The following HERC4 variants were observed in gnomAD, a reference collection of about 807,000 sequenced individuals.
The protein encoded by HERC4 is HECT and RLD domain containing E3 ubiquitin protein ligase 4.
Under a neutral mutation model 124.3 loss-of-function variants are expected in HERC4, and 28 were observed. The ratio of observed to expected loss-of-function variants is 0.23; its 90% CI spans 0.17 to 0.31. The LOEUF is 0.31. Ranked by LOEUF, HERC4 falls within the 10% of genes least tolerant of loss-of-function variation. The pLI is 1.00. For synonymous variants in HERC4, 407 were observed against 421.5 expected (o/e 0.97, Z 0.42); for missense variants, 713 against 1,229.3 (o/e 0.58, Z 6.28).
intron 3 of HERC4, among the ~76,000 whole-genome samples, chr10:68,052,741 T>A (rs922162661): frequency 6.6e-6 from 1 of 152,210 alleles, no homozygotes; most frequent in Non-Finnish European, 1.5e-5. Flanking sequence ...AGAGTTCACT[T>A]ATATGATCAA....
intron 3 of HERC4, 139 bp from the exon 4 acceptor site, chr10:68,044,702 A>G (rs1449530349): frequency 2.8e-6 from 2 of 722,344 alleles, no homozygotes; most frequent in Non-Finnish European, 4.6e-6. Flanking sequence ...ATGCTTAAAC[A>G]CACACTAGAT....
At chr10:67,994,044 G>A (rs1397754505) in intron 9 of HERC4, 1 of 152,098 alleles carries the variant, frequency 6.6e-6, no homozygotes, top group African/African-American at 2.4e-5. Context: ...ATACAAATAT[G>A]CAATTGTTAT....
intron 8 of HERC4, among the ~76,000 whole-genome samples, chr10:68,020,016 C>T (rs1258276659): frequency 6.6e-6 from 1 of 152,106 alleles, no homozygotes; most frequent in African/African-American, 2.4e-5. Context: ...TTTGGGGAGC[C>T]AGGCATTTAA....
Position 67,955,141 on chromosome 10 carries a change from A to G in HERC4, c.2026-11T>C. On this transcript the variant is annotated splice_polypyrimidine_tract_variant and intron_variant, in intron 17 of 24. Transcript: ENST00000373700. ...CTGATCAATAGCCATCTGGAAAACA[A>G]AAGATTAACATTTTAACAGCAATGC... 6.4e-7 allele frequency: 1 copy of G among 1,570,614 alleles called. No homozygotes were observed. The highest frequency in any genetic ancestry group is 8.6e-7 in the Non-Finnish European group (1 of 1,165,126).
At chr10:68,046,555 G>T (rs1259924841) in intron 3 of HERC4, among the ~76,000 whole-genome samples, 1 of 152,284 alleles carries the variant, frequency 6.6e-6, no homozygotes, top group East Asian at 1.9e-4. Context: ...TAAAATAAGC[G>T]TCCTAGCCCT....
At chr10:68,013,594 G>A (rs1014973547) in intron 9 of HERC4, among the ~76,000 whole-genome samples, 3 of 152,196 alleles carry the variant, frequency 2.0e-5, no homozygotes, top group Non-Finnish European at 4.4e-5. Flanking sequence ...AGGAGGGAAT[G>A]AAGAGTTGCT....
intron 16 of HERC4, chr10:67,959,019 C>A: frequency 2.1e-6 from 2 of 953,710 alleles, no homozygotes; most frequent in Non-Finnish European, 3.2e-6. Context: ...ATTTTTTAAC[C>A]ACACCAAAAA....
intron 15 of HERC4, among the ~76,000 whole-genome samples, chr10:67,968,576 C>T (rs1208350591): frequency 2.0e-5 from 3 of 151,442 alleles, no homozygotes; most frequent in Admixed American, 1.3e-4. Flanking sequence ...GGGGTTTCAC[C>T]ATGTTAGCCA....
intron 15 of HERC4, among the ~76,000 whole-genome samples, chr10:67,983,895 G>A (rs1425598453): frequency 6.6e-5 from 10 of 152,000 alleles, no homozygotes; most frequent in East Asian, 1.9e-4. Flanking sequence ...CCCGGGAGAC[G>A]GAGGTTGCAG....
intron 4 of HERC4, 105 bp from the exon 5 acceptor site, chr10:68,038,274 C>A: frequency 2.2e-5 from 10 of 450,270 alleles, no homozygotes; most frequent in Admixed American, 4.0e-5. Flanking sequence ...GCACATAGGT[C>A]ATATTATTTT....
intron 15 of HERC4, among the ~76,000 whole-genome samples, chr10:67,980,976 A>C (rs1463768251): frequency 1.3e-5 from 2 of 152,188 alleles, no homozygotes; most frequent in Non-Finnish European, 2.9e-5. Flanking sequence ...ACAAAACAGC[A>C]AGAAAAAAAA....
chr10:68,030,242 C>A (rs2039131496), intron 7 of HERC4, among the ~76,000 whole-genome samples: 2 of 151,752 alleles, frequency 1.3e-5, no homozygotes, highest in African/African-American at 4.8e-5. Flanking sequence ...GAGTTCAAGA[C>A]CACCCTGGCC....
chr10:67,937,881 C>T (rs2032508159), intron 21 of HERC4, among the ~76,000 whole-genome samples: 1 of 151,744 alleles, frequency 6.6e-6, no homozygotes, highest in Non-Finnish European at 1.5e-5. Context: ...GGGGTTTCAC[C>T]ATGTTGGCCA....
rs1338660185 is a variant in HERC4 at position 67,958,745 on chromosome 10, T to A, written c.1927-1769A>T. ...TGAAGTTTGTTTTACTTCTCTAATATAAAATGTTTTCAGCCACATTAGGTA... is the reference window on the plus strand; with the variant it reads ...TGAAGTTTGTTTTACTTCTCTAATAAAAAATGTTTTCAGCCACATTAGGTA... On this transcript the variant is annotated intron_variant, in intron 16 of 24. Transcript: ENST00000373700. 2.0e-5 allele frequency among the ~76,000 whole-genome samples: 3 copies of A among 152,168 alleles called. No individual in the cohort carries two copies. In the South Asian group the frequency reaches 6.2e-4, roughly 31 times the overall value.
intron 16 of HERC4, chr10:67,965,771 T>C (rs1236233861): frequency 2.0e-5 from 3 of 152,228 alleles, no homozygotes; most frequent in African/African-American, 4.8e-5. Flanking sequence ...CCTTCTATTA[T>C]ATAACTGCTG....
chr10:68,049,018 T>C (rs1309493695), intron 3 of HERC4, among the ~76,000 whole-genome samples: 1 of 152,130 alleles, frequency 6.6e-6, no homozygotes, highest in African/African-American at 2.4e-5. Context: ...ACACATGCAT[T>C]CACCCTTCAG....
chr10:68,069,467 T>C, intron 3 of HERC4: 5 of 985,418 alleles, frequency 5.1e-6, no homozygotes, highest in East Asian at 1.1e-4. Flanking sequence ...TTTAGTATAA[T>C]AAAGGAATTC....
intron 16 of HERC4, among the ~76,000 whole-genome samples, chr10:67,963,775 G>A (rs2034677921): frequency 6.6e-6 from 1 of 152,092 alleles, no homozygotes; most frequent in African/African-American, 2.4e-5. Flanking sequence ...TATGAACAAG[G>A]TTCATTTCCT....
chr10:67,990,434 T>A, intron 13 of HERC4, 34 bp from the exon 14 acceptor site: 1 of 1,096,000 alleles, frequency 9.1e-7, no homozygotes, highest in Non-Finnish European at 1.2e-6. Context: ...CCTACTTCAT[T>A]TAAAATGAAT....
Sources: allele counts gnomAD v4.1 joint callset (sites outside exome capture counted in the v4.1 genomes callset), GRCh38; gene constraint gnomAD v4.1.1; transcripts MANE v1.5; gene names NCBI Gene and HGNC (gene_info 2026-07-23, HGNC 2026-07-21).